Variants in ADAMTSL3 observed in about 807,000 individuals in gnomAD.
The protein encoded by ADAMTSL3 is ADAMTS-like protein 3.
A neutral mutation model predicts 201.7 loss-of-function variants in ADAMTSL3; 128 were observed. That is an observed-to-expected ratio of 0.63 (90% CI 0.55 to 0.73). The LOEUF is 0.73. ADAMTSL3 is among the 30% of genes least tolerant of loss of function. The pLI is 0.00. For synonymous variants in ADAMTSL3, 738 were observed against 748.4 expected, an observed-to-expected ratio of 0.99 and a Z score of 0.23; for missense variants, 1,990 against 2,119.6, an observed-to-expected ratio of 0.94 and a Z score of 1.20.
chr15:83,825,482 G>A (rs181687294), intron 6 of ADAMTSL3, among the ~76,000 whole-genome samples: 19 of 152,124 alleles, frequency 1.2e-4, no homozygotes, highest in African/African-American at 3.6e-4. Flanking sequence ...GTGTGTTGGC[G>A]CAAGCCTATG....
chr15:83,888,420 CAAG>C (rs201025241), intron 10 of ADAMTSL3, among the ~76,000 whole-genome samples: 3,029 of 151,714 alleles, frequency 0.02, 104 homozygotes, highest in African/African-American at 0.07. Context: ...TTTTCTGACT[CAAG>C]GAGCTGTAAT....
At chr15:83,924,424 T>G (rs1008596180) in intron 17 of ADAMTSL3, among the ~76,000 whole-genome samples, 1 of 152,220 alleles carries the variant, frequency 6.6e-6, no homozygotes, top group Admixed American at 6.5e-5. Flanking sequence ...AGTAGGTGCT[T>G]AATCCATATT....
At chr15:83,758,174 G>A (rs371357241) in intron 3 of ADAMTSL3, among the ~76,000 whole-genome samples, 22 of 152,080 alleles carry the variant, frequency 1.4e-4, no homozygotes, top group Non-Finnish European at 2.2e-4. Context: ...GTATTAGTCC[G>A]TTTTCATGCT....
At chr15:83,771,479 T>C (rs1043327130) in intron 3 of ADAMTSL3, among the ~76,000 whole-genome samples, 2 of 152,228 alleles carry the variant, frequency 1.3e-5, no homozygotes, top group Non-Finnish European at 2.9e-5. Flanking sequence ...ACCACTATTG[T>C]ACTTTCTGCT....
chr15:84,007,833 G>A (rs1488068497), intron 23 of ADAMTSL3, among the ~76,000 whole-genome samples: 1 of 152,130 alleles, frequency 6.6e-6, no homozygotes, highest in Non-Finnish European at 1.5e-5. Flanking sequence ...GGTGGAAATA[G>A]GGAGATGAGA....
chr15:84,010,038 G>A (rs776896585), intron 23 of ADAMTSL3, among the ~76,000 whole-genome samples: 21 of 152,248 alleles, frequency 1.4e-4, no homozygotes, highest in Admixed American at 1.1e-3. Context: ...TAAGAGGCAA[G>A]TCTGAATTAA....
chr15:84,023,701 C>T (rs947635352), intron 26 of ADAMTSL3, among the ~76,000 whole-genome samples: 7 of 152,118 alleles, frequency 4.6e-5, no homozygotes, highest in African/African-American at 1.7e-4. Context: ...TCTTGTTTCT[C>T]GAATATTCTA....
intron 4 of ADAMTSL3, among the ~76,000 whole-genome samples, chr15:83,779,612 G>A (rs1658466357): frequency 6.7e-6 from 1 of 149,974 alleles, no homozygotes; most frequent in African/African-American, 2.5e-5. Flanking sequence ...GCAGGAGAAT[G>A]GTGTGAACCT....
At chr15:83,841,626 T>C (rs1201644005) in intron 7 of ADAMTSL3, among the ~76,000 whole-genome samples, 3 of 151,996 alleles carry the variant, frequency 2.0e-5, no homozygotes, top group African/African-American at 7.2e-5. Context: ...ATATTACCCA[T>C]TGGGATACTA....
intron 23 of ADAMTSL3, among the ~76,000 whole-genome samples, chr15:84,002,666 C>T (rs2067812833): frequency 6.6e-6 from 1 of 152,076 alleles, no homozygotes; most frequent in Non-Finnish European, 1.5e-5. Flanking sequence ...CCCAGCCTTC[C>T]CCTTCTACCC....
intron 20 of ADAMTSL3, among the ~76,000 whole-genome samples, chr15:83,975,740 G>A (rs1049200012): frequency 6.6e-6 from 1 of 152,146 alleles, no homozygotes; most frequent in East Asian, 1.9e-4. Context: ...GATAAAAGTA[G>A]GGGGTGTCAA....
intron 23 of ADAMTSL3, among the ~76,000 whole-genome samples, chr15:83,996,780 CAAAAAAAAAAAAA>C (rs35758954): frequency 3.0e-5 from 1 of 33,838 alleles, no homozygotes; most frequent in Non-Finnish European, 5.1e-5. Flanking sequence ...GACTCTGCCT[CAAAAAAAAAAAAA>C]AAAAAAAAAA....
intron 6 of ADAMTSL3, among the ~76,000 whole-genome samples, chr15:83,834,961 G>A (rs2064234643): frequency 6.6e-6 from 1 of 152,150 alleles, no homozygotes; most frequent in Admixed American, 6.5e-5. Flanking sequence ...TGGGCCGGGC[G>A]CTGTGGTTCA....
intron 3 of ADAMTSL3, among the ~76,000 whole-genome samples, chr15:83,712,440 G>T (rs534867115): frequency 1.3e-5 from 2 of 152,158 alleles, no homozygotes; most frequent in Non-Finnish European, 2.9e-5. Context: ...CGGCTAAGGT[G>T]GGGGGTTGAC....
intron 3 of ADAMTSL3, among the ~76,000 whole-genome samples, chr15:83,760,663 G>C (rs1365706775): frequency 6.6e-6 from 1 of 151,842 alleles, no homozygotes; most frequent in African/African-American, 2.4e-5. Context: ...ATATTTTGTG[G>C]TTATGTTGTT....
chr15:83,805,570 T>A (rs11857202), intron 5 of ADAMTSL3, among the ~76,000 whole-genome samples: 8,697 of 150,626 alleles, frequency 0.058, 345 homozygotes, highest in Non-Finnish European at 0.087. Flanking sequence ...AAAAAAAAAA[T>A]AAATAAATAA....
At chr15:83,724,472 C>T (rs2062144643) in intron 3 of ADAMTSL3, among the ~76,000 whole-genome samples, 1 of 152,016 alleles carries the variant, frequency 6.6e-6, no homozygotes, top group Non-Finnish European at 1.5e-5. Context: ...TATTTTGAAT[C>T]AGGCATGCAA....
chr15:83,750,213 T>G (rs572535421), intron 3 of ADAMTSL3, among the ~76,000 whole-genome samples: 135 of 152,294 alleles, frequency 8.9e-4, no homozygotes, highest in African/African-American at 3.1e-3. Context: ...TCAATTACAG[T>G]ATATCTGGTA....
chr15:83,708,802 C>T (rs1253087460), intron 3 of ADAMTSL3, among the ~76,000 whole-genome samples: 2 of 152,176 alleles, frequency 1.3e-5, no homozygotes, highest in Non-Finnish European at 2.9e-5. Flanking sequence ...GCCAGCAATT[C>T]GGTAAACTAT....
Sources: gnomAD v4.1 joint callset for allele counts (sites outside exome capture counted in the v4.1 genomes callset) on GRCh38, gnomAD v4.1.1 for gene constraint, MANE v1.5 for transcripts, NCBI Gene and HGNC (gene_info 2026-07-23, HGNC 2026-07-21) for gene names.